Variants in TTN observed in about 807,000 individuals in gnomAD.
TTN encodes connectin.
A neutral mutation model predicts 3,223.0 loss-of-function variants in TTN; 1,525 were observed. The observed-to-expected ratio is 0.47, with a 90% CI of 0.45 to 0.49. TTN has a LOEUF of 0.49. Among genes scored for constraint, TTN ranks in the 20% least tolerant of loss-of-function variants. The pLI is 0.00. For synonymous variants in TTN, 14,094 were observed against 15,161.0 expected (o/e 0.93, Z 5.17); for missense variants, 40,786 against 43,424.0 (o/e 0.94, Z 5.40).
Position 178,568,363 on chromosome 2 carries a change from G to C in TTN, c.77769C>G (p.Ile25923Met), listed in dbSNP as rs780766847. The change falls in exon 326 of 363, where the codon ATC becomes ATG. Residue 25923 changes from isoleucine (I) to methionine (M), a missense_variant. Ile to Met is a conservative substitution (Grantham distance 10). Coordinates refer to ENST00000589042, the MANE Select transcript of TTN (RefSeq NM_001267550.2). ...CTCTTTTCTGAACAATGTAGTTGGT[G>C]ATTTGGCAGCCCCCTGTATATAATG... Reference protein sequence around the residue: ...NPPLYTGGCQITNYIVQKRDT... With the variant: ...NPPLYTGGCQMTNYIVQKRDT... 1 of 1,613,294 alleles carries C rather than the reference G, an allele frequency of 6.2e-7. No individual in the cohort carries two copies. The highest frequency in any genetic ancestry group is 1.1e-5 in the South Asian group (1 of 91,064).
intron 47 of TTN, among the ~76,000 whole-genome samples, chr2:178,743,480 C>T (rs11902709): frequency 0.073 from 11,134 of 151,932 alleles, 557 homozygotes; most frequent in East Asian, 0.19. Context: ...TATACTCAAG[C>T]TCACCATACT....
chr2:178,619,573 T>G (rs1218959747), intron 250 of TTN, 48 bp downstream of exon 250: 1 of 1,592,504 alleles, frequency 6.3e-7, no homozygotes, highest in Admixed American at 1.8e-5. Flanking sequence ...AAATCTGAAA[T>G]CTAAACTCTG....
At position 178,718,145 on chromosome 2, in the gene TTN, C is replaced by T. The variant is rs1577954833; in HGVS notation, c.24861G>A (p.Val8287=). ...AAATTCTAATTTCTGGAGTTCCATC[C>T]ACTTTACACTGTAAAGTTGCAGGTT... The part of the protein sequence containing the change: ...IGEPATLQCK[V]DGTPEIRISW... Residue 8287 remains valine (V), a synonymous_variant, in exon 86 of 363, where the codon GTG becomes GTA. Transcript: ENST00000589042. The T allele has an allele frequency of 1.9e-6, 3 of 1,608,238 alleles. No homozygotes were observed. The highest frequency in any genetic ancestry group is 1.7e-6 in the Non-Finnish European group (2 of 1,179,618).
Position 178,610,347 on chromosome 2 carries a change from G to T in TTN, c.51179C>A (p.Thr17060Asn). The T allele has an allele frequency of 6.2e-7, 1 of 1,612,724 alleles. No homozygotes were observed. Among genetic ancestry groups the T allele is most frequent in the Non-Finnish European group, 8.5e-7 (1 of 1,179,162 alleles). The change falls in exon 271 of 363, where the codon ACC becomes AAC. Residue 17060 changes from threonine (T) to asparagine (N), a missense_variant. By Grantham distance (65) the Thr-to-Asn change is moderately conservative (BLOSUM62 0). Transcript: ENST00000589042. Reference protein sequence around the residue: ...PCKDIKASDITKSSCKLTWEP... With the variant: ...PCKDIKASDINKSSCKLTWEP... The stretch of plus-strand genomic sequence containing the variant: ...CCAAGTTAACTTACAAGAACTCTTG[G>T]TAATGTCACTTGCTTTAATATCTTT...
chr2:178,766,757 G>A (rs2090511277), intron 40 of TTN, 145 bp from the exon 41 acceptor site: 1 of 681,228 alleles, frequency 1.5e-6, no homozygotes, highest in Non-Finnish European at 2.5e-6. Context: ...GCTGATTATA[G>A]CACTCTCTAA....
chr2:178,711,267 G>T lies in TTN; in HGVS notation c.27969C>A (p.Ala9323=). 6.2e-7 allele frequency: 1 copy of T among 1,613,612 alleles called. No individual in the cohort carries two copies. Among genetic ancestry groups the T allele is most frequent in the Non-Finnish European group, 8.5e-7 (1 of 1,179,684 alleles). ...CGGAGATAGGTTCTGATCCACTTAT[G>T]GCACAATCAAAAACAACTGGCAGTC... ...TVGLPVVFDC[A]ISGSEPISVS... Residue 9323 remains alanine, a synonymous_variant, in exon 97 of 363, where the codon GCC becomes GCA. Transcript: ENST00000589042.
At chr2:178,677,335 C>CATATACATATAT (rs71393434) in intron 146 of TTN, 48 bp from the exon 147 acceptor site, 9 of 251,904 alleles carry the variant, frequency 3.6e-5, no homozygotes, top group Admixed American at 3.3e-4. Flanking sequence ...TATACATGGT[C>CATATACATATAT]ATATATATAT....
At chr2:178,622,442 A>AT (rs1341271683) in intron 243 of TTN, among the ~76,000 whole-genome samples, 2 of 151,924 alleles carry the variant, frequency 1.3e-5, no homozygotes, top group Non-Finnish European at 2.9e-5. Flanking sequence ...TCAAACTAAT[A>AT]TCTAAATCTC....
In TTN at chr2:178,578,876, G is replaced by A. The variant is rs755685437; in HGVS notation, c.68154C>T (p.Val22718=). The A allele has an allele frequency of 4.0e-5, 64 of 1,613,172 alleles. No individual in the cohort carries two copies. The highest frequency in any genetic ancestry group is 2.5e-5 in the Non-Finnish European group (29 of 1,179,472). Residue 22718 remains valine (V), a synonymous_variant, in exon 320 of 363, where the codon GTC becomes GTT. Transcript: ENST00000589042. ...LHEGMEYTFR[V]SAENKYGVGE... is the part of the protein sequence containing the mutation. ...CTACACCATATTTATTTTCGGCACTGACCCTGAAGGTATATTCCATGCCCT... is the reference window on the plus strand; with the variant it reads ...CTACACCATATTTATTTTCGGCACTAACCCTGAAGGTATATTCCATGCCCT...
Position 178,567,615 on chromosome 2 carries a change from T to G in TTN, c.78517A>C (p.Ser26173Arg), listed in dbSNP as rs771241552. Residue 26173 changes from serine to arginine, a missense_variant, in exon 326 of 363, where the codon AGT (serine) becomes CGT (arginine). Coordinates refer to ENST00000589042, the MANE Select transcript of TTN (RefSeq NM_001267550.2). Reference protein sequence around the residue: ...VIAKNAAGAISKPSDSTGPIT... With the variant: ...VIAKNAAGAIRKPSDSTGPIT... ...GGTCCAGTACTGTCAGAGGGTTTAC[T>G]TATTGCACCAGCTGCATTCTTTGCA... 90 of 1,612,028 alleles carry G rather than the reference T, an allele frequency of 5.6e-5. No homozygotes were observed. The highest frequency in any genetic ancestry group is 7.3e-5 in the Non-Finnish European group (86 of 1,178,728).
chr2:178,674,236 TG>T (rs1270544541), intron 151 of TTN, 77 bp downstream of exon 151: 4 of 820,134 alleles, frequency 4.9e-6, no homozygotes, highest in Non-Finnish European at 8.2e-6. Context: ...AGCATACTGG[TG>T]AATCTTAGAT....
Position 178,564,282 on chromosome 2 carries a change from C to T in TTN, c.81850G>A (p.Val27284Ile), listed in dbSNP as rs746222222. 31 of 1,613,294 alleles carry T rather than the reference C, an allele frequency of 1.9e-5. No homozygotes were observed. The highest frequency in any genetic ancestry group is 2.4e-5 in the Non-Finnish European group (28 of 1,179,774). Residue 27284 changes from valine (V) to isoleucine (I), a missense_variant, in exon 326 of 363, where the codon GTC becomes ATC. Transcript: ENST00000589042. Reference sequence around the variant, plus strand: ...GTCTCTCCTGCATGAACAACGATGACATCTTTATATTTTGGATCCAGAGAG... The same window carrying T: ...GTCTCTCCTGCATGAACAACGATGATATCTTTATATTTTGGATCCAGAGAG... ...NASLDPKYKDVIVVHAGETFV... is the reference protein window; with the variant it reads ...NASLDPKYKDIIVVHAGETFV...
At chr2:178,729,630 C>T (rs2080036180) in intron 63 of TTN, 34 bp downstream of exon 63, 3 of 1,613,536 alleles carry the variant, frequency 1.9e-6, no homozygotes, top group Non-Finnish European at 2.5e-6. Flanking sequence ...TCAGGCAGCA[C>T]AGCCAAAATG....
In TTN at chr2:178,639,762, C is replaced by G. The variant is rs2060977954; in HGVS notation, c.40813G>C (p.Val13605Leu). The G allele has an allele frequency of 6.2e-7, 1 of 1,602,840 alleles. No individual in the cohort carries two copies. The highest frequency in any genetic ancestry group is 1.3e-5 in the African/African-American group (1 of 74,184). ...AEVKTIKPPP[V>L]EPEPTPIAAP... ...GCGATGGGGGTTGGTTCAGGTTCCA[C>G]AGGAGGTGGTTTGATTGTTTTCACT... The change falls in exon 223 of 363, where the codon GTG becomes CTG. Residue 13605 changes from valine (V) to leucine (L), a missense_variant. Val to Leu is a conservative substitution (Grantham distance 32, BLOSUM62 1). Transcript: ENST00000589042.
chr2:178,538,146 A>G, intron 354 of TTN: 3 of 550,882 alleles, frequency 5.4e-6, no homozygotes, highest in Non-Finnish European at 9.5e-6. Context: ...TCTCTTTATG[A>G]TTGGAAGGGG....
At position 178,722,127 on chromosome 2, in the gene TTN, C is replaced by T. The variant is rs1553910053; in HGVS notation, c.22536G>A (p.Lys7512=). ...SSARLTAREP[K]KSPFFDIKPV... is the part of the protein sequence containing the mutation. ...GCTTGATGTCAAAGAAGGGAGATTT[C>T]TTGGGTTCTGGAGGATGAGAAGAAA... Residue 7512 remains lysine, a synonymous_variant, in exon 78 of 363, where the codon AAG becomes AAA. Coordinates refer to ENST00000589042, the MANE Select transcript of TTN (RefSeq NM_001267550.2). 1 of 1,561,722 alleles carries T rather than the reference C, an allele frequency of 6.4e-7. No individual in the cohort carries two copies.
Position 178,764,276 on chromosome 2 carries a change from C to T in TTN, c.10015G>A (p.Glu3339Lys). The T allele has an allele frequency of 6.2e-7, 1 of 1,614,022 alleles. No individual in the cohort carries two copies. Residue 3339 changes from glutamate to lysine, a missense_variant, in exon 43 of 363, where the codon GAA (glutamate) becomes AAA (lysine). Transcript: ENST00000589042. ...ATGGCAGGTGGATAAACAGGCATTT[C>T]CTGATCAGGAGACACAACTTCTGGA... ...EVPEVVSPDQ[E>K]MPVYPPAIIT...
chr2:178,747,912 G>A (rs1178409756), intron 47 of TTN: 2 of 1,613,012 alleles, frequency 1.2e-6, no homozygotes, highest in African/African-American at 2.7e-5. Context: ...GGGAAGCACT[G>A]ACTCAGGGAG....
chr2:178,586,956 CA>C (rs2049136134), intron 307 of TTN, 149 bp from the exon 308 acceptor site: 1 of 1,356,614 alleles, frequency 7.4e-7, no homozygotes, highest in Non-Finnish European at 1.0e-6. Context: ...TAAGATGAGA[CA>C]GATCAAAAAA....
Sources: gnomAD v4.1 joint callset for allele counts (sites outside exome capture counted in the v4.1 genomes callset) on GRCh38, gnomAD v4.1.1 for gene constraint, MANE v1.5 for transcripts, NCBI Gene and HGNC (gene_info 2026-07-23, HGNC 2026-07-21) for gene names.